SH3TC2: variants seen among roughly 807,000 people sequenced by gnomAD.
SH3TC2 encodes the protein SH3 domain and tetratricopeptide repeats 2.
Under a neutral mutation model 124.5 loss-of-function variants are expected in SH3TC2, and 87 were observed. The observed-to-expected ratio is 0.70, with a 90% CI of 0.59 to 0.84. The LOEUF is 0.84. Among genes scored for constraint, SH3TC2 ranks in the 40% least tolerant of loss-of-function variants. SH3TC2 has a pLI of 0.00. For missense variants in SH3TC2, 1,536 were observed against 1,566.4 expected, an observed-to-expected ratio of 0.98 and a Z score of 0.33; for synonymous variants, 634 against 628.5, an observed-to-expected ratio of 1.01 and a Z score of -0.13.
chr5:149,024,018 A>AT (rs1215120668), intron 12 of SH3TC2, among the ~76,000 whole-genome samples: 4 of 152,152 alleles, frequency 2.6e-5, no homozygotes, highest in Non-Finnish European at 4.4e-5. Context: ...GGCTAATACT[A>AT]TATAGGCCAG....
chr5:148,994,726 GGATGGATGGATGAATA>G lies in SH3TC2; in HGVS notation c.*9969_*9984del, dbSNP rs1753479465. On this transcript the variant is annotated 3_prime_UTR_variant, in exon 17 of 17. Transcript: ENST00000515425. ...TGGATGGATGGATGGATGGATGGAT[GGATGGATGGATGAATA>G]GATGGATGAATAGATGGATGAATAG... Among the ~76,000 whole-genome samples the G allele has an allele frequency of 2.0e-5, 3 of 151,782 alleles. No individual in the cohort carries two copies. The highest frequency in any genetic ancestry group is 4.4e-5 in the Non-Finnish European group (3 of 67,974).
chr5:149,004,849 C>A lies in SH3TC2; in HGVS notation c.3729G>T (p.Leu1243=). 1.2e-6 allele frequency: 2 copies of A among 1,614,196 alleles called. No homozygotes were observed. The highest frequency in any genetic ancestry group is 8.5e-7 in the Non-Finnish European group (1 of 1,180,032). ...YFLLALAAAV[L]LGDEELQDTI... is the part of the protein sequence containing the mutation. ...TGTCCTGAAGCTCCTCATCACCCAG[C>A]AGGACCGCTGCTGCCAGGGCCAGAA... The change falls in exon 17 of 17, where the codon CTG becomes CTT. Residue 1243 remains leucine (L), a synonymous_variant. Transcript: ENST00000515425.
rs951723795 is a variant in SH3TC2 at position 148,996,149 on chromosome 5, G to A, written c.*8562C>T. On this transcript the variant is annotated 3_prime_UTR_variant, in exon 17 of 17. Coordinates refer to ENST00000515425, the MANE Select transcript of SH3TC2 (RefSeq NM_024577.4). ...TGCCTGTAGTCCCAGCTACTCGGGA[G>A]GCTGAAGTGGGAGGATCACCCAAGC... Among the ~76,000 whole-genome samples, 2 of 152,004 alleles carry A rather than the reference G, an allele frequency of 1.3e-5. No individual in the cohort carries two copies. Among genetic ancestry groups the A allele is most frequent in the Non-Finnish European group, 2.9e-5 (2 of 68,030 alleles).
rs13355933 is a variant in SH3TC2, at chr5:148,994,591, G to T, written c.*10120C>A. Among the ~76,000 whole-genome samples, 676 of 147,142 alleles carry T rather than the reference G, an allele frequency of 4.6e-3. 9 individuals carry two copies. Among genetic ancestry groups the T allele is most frequent in the African/African-American group, 0.016 (640 of 39,754 alleles). ...CATTGGTTGGGTATGTGGGTGGTTG[G>T]GTGGTTAGATGGTTGGTTGGTTGGT... On this transcript the variant is annotated 3_prime_UTR_variant, in exon 17 of 17. Coordinates refer to ENST00000515425, the MANE Select transcript of SH3TC2 (RefSeq NM_024577.4).
At position 149,003,243 on chromosome 5, in the gene SH3TC2, T is replaced by A. The variant is rs1032412149; in HGVS notation, c.*1468A>T. 6.6e-6 allele frequency: 1 copy of A among 152,292 alleles called. No homozygotes were observed. The highest frequency in any genetic ancestry group is 2.4e-5 in the African/African-American group (1 of 41,470). 9.4% of individuals were successfully genotyped at this position (152,292 alleles called of 1,614,324 possible). A position where few individuals can be genotyped will look rare whatever the true frequency, so the allele number is the denominator to read the frequency against. On this transcript the variant is annotated 3_prime_UTR_variant, in exon 17 of 17. Coordinates refer to ENST00000515425, the MANE Select transcript of SH3TC2 (RefSeq NM_024577.4). ...GCTAGACCTAGTGACTCATTTATTA[T>A]GAATTGAATAGGCAAGACTAAGGAG...
At position 148,984,729 on chromosome 5, in the gene SH3TC2, G is replaced by A. The variant is rs1753306810; in HGVS notation, c.*19982C>T. On this transcript the variant is annotated 3_prime_UTR_variant, in exon 17 of 17. Transcript: ENST00000515425. ...TTTAGTGGGTATTCCAACCCTCAAA[G>A]AGCTGTGCTTGGTGCTGTAAACAAA... Among the ~76,000 whole-genome samples, 1 of 152,166 alleles carries A rather than the reference G, an allele frequency of 6.6e-6. No homozygotes were observed.
intron 8 of SH3TC2, among the ~76,000 whole-genome samples, chr5:149,037,496 A>G (rs1402573103): frequency 2.0e-5 from 3 of 152,182 alleles, no homozygotes; most frequent in South Asian, 4.1e-4. Context: ...GCTATTTCCC[A>G]CAAGAGAAAG....
chr5:148,984,596 C>T lies in SH3TC2; in HGVS notation c.*20115G>A, dbSNP rs1753303656. ...ACTCAGTCTTCTGCCTCACTCTGGA[C>T]TAGGCAATGCTTCATATATCTCCAA... On this transcript the variant is annotated 3_prime_UTR_variant, in exon 17 of 17. Transcript: ENST00000515425. Among the ~76,000 whole-genome samples the T allele has an allele frequency of 6.6e-6, 1 of 152,120 alleles. No individual in the cohort carries two copies. The highest frequency in any genetic ancestry group is 2.4e-5 in the African/African-American group (1 of 41,430).
intron 3 of SH3TC2, chr5:149,047,197 C>T (rs1754478418): frequency 6.5e-6 from 1 of 153,040 alleles, no homozygotes; most frequent in South Asian, 2.1e-4. Flanking sequence ...TATCTACCTA[C>T]TATGAAAGAT....
intron 1 of SH3TC2, among the ~76,000 whole-genome samples, chr5:149,052,833 G>A (rs934286145): frequency 2.0e-5 from 3 of 152,168 alleles, no homozygotes; most frequent in African/African-American, 7.2e-5. Flanking sequence ...GGGCTGGGGA[G>A]GAGGAAACTT....
At chr5:149,060,058 A>G (rs1333197796) in intron 1 of SH3TC2, among the ~76,000 whole-genome samples, 1 of 152,198 alleles carries the variant, frequency 6.6e-6, no homozygotes, top group Admixed American at 6.5e-5. Context: ...ATCTCCTGTT[A>G]TTATACTGAT....
At position 149,038,481 on chromosome 5, in the gene SH3TC2, C is replaced by A. The variant is rs746737375; in HGVS notation, c.815G>T (p.Arg272Leu). The A allele has an allele frequency of 6.2e-7, 1 of 1,613,974 alleles. No individual in the cohort carries two copies. The highest frequency in any genetic ancestry group is 8.5e-7 in the Non-Finnish European group (1 of 1,179,864). Residue 272 changes from arginine (R) to leucine (L), a missense_variant, in exon 8 of 17, where the codon CGC becomes CTC. Transcript: ENST00000515425. ...CTCATAACCCGTCAAGGCCTTACAG[C>A]GTCCTCTGCCTGTGGAAAATAGCAC... is the stretch of plus-strand genomic sequence containing the variant. ...WTGSYQIGRG[R>L]CKALTGYEPG... is the part of the protein sequence containing the mutation.
chr5:149,052,306 G>A, intron 1 of SH3TC2, 66 bp from the exon 2 acceptor site: 2 of 1,303,772 alleles, frequency 1.5e-6, no homozygotes, highest in Non-Finnish European at 1.1e-6. Context: ...TTATAAGCAA[G>A]GCTGTAGTTT....
chr5:149,043,596 A>C (rs1754408011), intron 4 of SH3TC2: 1 of 151,512 alleles, frequency 6.6e-6, no homozygotes, highest in African/African-American at 2.4e-5. Flanking sequence ...TGGGGATCTT[A>C]TTAAACTACA....
chr5:149,054,946 C>G (rs1340062675), intron 1 of SH3TC2, among the ~76,000 whole-genome samples: 1 of 152,014 alleles, frequency 6.6e-6, no homozygotes, highest in East Asian at 1.9e-4. Context: ...GGGTGCACAG[C>G]TTTTTAAGGA....
chr5:149,024,169 G>A (rs577270050), intron 12 of SH3TC2, among the ~76,000 whole-genome samples: 26 of 152,272 alleles, frequency 1.7e-4, no homozygotes, highest in African/African-American at 6.3e-4. Flanking sequence ...GAGCAAAGGA[G>A]CCAGGGACTC....
At position 148,983,340 on chromosome 5, in the gene SH3TC2, T is replaced by C. The variant is rs768014940; in HGVS notation, c.*21371A>G. Among the ~76,000 whole-genome samples the C allele has an allele frequency of 5.9e-5, 9 of 152,196 alleles. No individual in the cohort carries two copies. The highest frequency in any genetic ancestry group is 1.3e-4 in the Non-Finnish European group (9 of 68,036). On this transcript the variant is annotated 3_prime_UTR_variant, in exon 17 of 17. Transcript: ENST00000515425. ...CACCTGGGTGTCATGAATACACCTG[T>C]GGCCTAAGATATGGTAATGGAGGGA...
rs1561754496 is a variant in SH3TC2 at position 149,001,009 on chromosome 5, G to A, written c.*3702C>T. On this transcript the variant is annotated 3_prime_UTR_variant, in exon 17 of 17. Transcript: ENST00000515425. ...TAAGTGACTTGCCCAAGGTCGCACT[G>A]CAATTTAATATCAAAATCAAGACCA... Among the ~76,000 whole-genome samples the A allele has an allele frequency of 6.6e-6, 1 of 152,130 alleles. No individual in the cohort carries two copies. Among genetic ancestry groups the A allele is most frequent in the Non-Finnish European group, 1.5e-5 (1 of 68,028 alleles).
chr5:149,034,047 T>C (rs1382687286), intron 8 of SH3TC2, among the ~76,000 whole-genome samples: 1 of 151,452 alleles, frequency 6.6e-6, no homozygotes, highest in Non-Finnish European at 1.5e-5. Flanking sequence ...TACAAAAAAC[T>C]AGAAATGACA....
Sources: allele counts gnomAD v4.1 joint callset (sites outside exome capture counted in the v4.1 genomes callset), GRCh38; gene constraint gnomAD v4.1.1; transcripts MANE v1.5; gene names NCBI Gene and HGNC (gene_info 2026-07-23, HGNC 2026-07-21).